ANK2: variants seen among roughly 807,000 people sequenced by gnomAD.
ANK2 encodes the protein ankyrin-2.
ANK2 carries 83 observed loss-of-function variants against 360.5 expected under a neutral mutation model. That is an observed-to-expected ratio of 0.23 (90% CI 0.19 to 0.28). The LOEUF (loss-of-function observed/expected upper bound fraction) is 0.28. Ranked by LOEUF, ANK2 falls within the 10% of genes least tolerant of loss-of-function variation. ANK2 has a pLI of 1.00. For missense variants in ANK2, 4,201 were observed against 4,795.7 expected (o/e 0.88, Z 3.66); for synonymous variants, 1,740 against 1,759.5 (o/e 0.99, Z 0.28).
chr4:113,015,079 C>T (rs1387309203), intron 2 of ANK2, among the ~76,000 whole-genome samples: 1 of 151,482 alleles, frequency 6.6e-6, no homozygotes, highest in Non-Finnish European at 1.5e-5. Flanking sequence ...AGGATGGCCT[C>T]GATCTCCTGA....
At chr4:113,017,968 A>T (rs1277384844) in intron 2 of ANK2, among the ~76,000 whole-genome samples, 3 of 152,176 alleles carry the variant, frequency 2.0e-5, no homozygotes, top group Non-Finnish European at 4.4e-5. Flanking sequence ...CTGCTGAAGA[A>T]CTCCTTTTGT....
chr4:113,058,047 G>T (rs992039491), intron 1 of ANK2, among the ~76,000 whole-genome samples: 2 of 151,916 alleles, frequency 1.3e-5, no homozygotes, highest in African/African-American at 4.8e-5. Flanking sequence ...CCATTTCCTG[G>T]TCTGGCCACA....
chr4:113,351,717 TA>T (rs36097202), intron 37 of ANK2, among the ~76,000 whole-genome samples: 11 of 147,810 alleles, frequency 7.4e-5, no homozygotes, highest in East Asian at 3.9e-4. Flanking sequence ...GCTCAGTTGT[TA>T]AAAAAAAAAG....
chr4:112,715,672 G>A, the ANK2 span, among the ~76,000 whole-genome samples: 6 of 152,150 alleles, frequency 3.9e-5, no homozygotes, highest in African/African-American at 7.2e-5. Context: ...CCTTGTACTC[G>A]GGCTCTGTGC....
upstream of ANK2, among the ~76,000 whole-genome samples, chr4:112,817,683 A>G (rs778096916): frequency 6.6e-6 from 1 of 151,886 alleles, no homozygotes; most frequent in Non-Finnish European, 1.5e-5. Context: ...ACTCTTATAT[A>G]AAAGATGATC....
chr4:113,358,769 C>T lies in ANK2; in HGVS notation c.10151C>T (p.Pro3384Leu). ...PQGQDMASIAPDNRSKSESDA... is the reference protein window; with the variant it reads ...PQGQDMASIALDNRSKSESDA... The stretch of plus-strand genomic sequence containing the variant: ...GGACAGGACATGGCAAGCATCGCAC[C>T]AGATAATAGAAGCAAATCTGAATCT... Residue 3384 changes from proline to leucine, a missense_variant, in exon 38 of 46, where the codon CCA becomes CTA. Transcript: ENST00000357077. The T allele has an allele frequency of 6.2e-7, 1 of 1,614,082 alleles. No individual in the cohort carries two copies. The highest frequency in any genetic ancestry group is 1.1e-5 in the South Asian group (1 of 91,068).
At chr4:113,000,901 T>C (rs547242164) in intron 2 of ANK2, among the ~76,000 whole-genome samples, 1 of 59,540 alleles carries the variant, frequency 1.7e-5, no homozygotes, top group East Asian at 7.6e-4. Flanking sequence ...AATGACTACT[T>C]CTTTATTTTC....
chr4:113,069,780 T>C (rs147749361), intron 1 of ANK2: 3 of 152,300 alleles, frequency 2.0e-5, no homozygotes, highest in African/African-American at 7.2e-5. Context: ...TAACACAGTT[T>C]CTATTCAGTC....
At position 113,240,364 on chromosome 4, in the gene ANK2, A is replaced by T; in HGVS notation, c.694-121A>T. The T allele has an allele frequency of 9.4e-6, 7 of 743,450 alleles. No individual in the cohort carries two copies. In the South Asian group the frequency reaches 1.0e-4, roughly 11 times the overall value. 46.1% of individuals were successfully genotyped at this position (743,450 alleles called of 1,614,324 possible). ...ACATTAAGATTTAAGATCTTACTAA[A>T]GCATTTATTATTGCTTATATATTAG... On this transcript the variant is annotated intron_variant, in intron 7 of 45. Transcript: ENST00000357077.
chr4:112,709,540 G>A, the ANK2 span, among the ~76,000 whole-genome samples: 3 of 152,054 alleles, frequency 2.0e-5, no homozygotes, highest in East Asian at 1.9e-4. Context: ...CCTGAGATCC[G>A]GAGTTCGAGA....
At chr4:113,129,764 T>C (rs1328437816) in intron 1 of ANK2, among the ~76,000 whole-genome samples, 1 of 152,212 alleles carries the variant, frequency 6.6e-6, no homozygotes, top group African/African-American at 2.4e-5. Flanking sequence ...TTGGCATTGA[T>C]GTAATGCATT....
intron 13 of ANK2, among the ~76,000 whole-genome samples, chr4:113,260,722 A>G (rs189705565): frequency 1.3e-5 from 2 of 152,352 alleles, no homozygotes; most frequent in Admixed American, 1.3e-4. Flanking sequence ...TAATTGCTAA[A>G]TCTGGCAATC....
At chr4:112,871,037 A>G (rs1018420869) in intron 1 of ANK2, among the ~76,000 whole-genome samples, 2 of 152,118 alleles carry the variant, frequency 1.3e-5, no homozygotes, top group Non-Finnish European at 2.9e-5. Flanking sequence ...ATAATCAAAT[A>G]AAAATATTTG....
intron 2 of ANK2, among the ~76,000 whole-genome samples, chr4:113,191,519 C>T (rs376428159): frequency 5.3e-5 from 8 of 152,112 alleles, no homozygotes; most frequent in South Asian, 2.1e-4. Context: ...CTTTTGCATA[C>T]GTTAATACTT....
chr4:113,162,613 GT>G (rs1485747391), intron 1 of ANK2, among the ~76,000 whole-genome samples: 2 of 151,894 alleles, frequency 1.3e-5, no homozygotes, highest in African/African-American at 4.8e-5. Flanking sequence ...AATGTAAATA[GT>G]AAAACAAGTT....
the ANK2 span, among the ~76,000 whole-genome samples, chr4:112,744,173 C>G: frequency 6.6e-6 from 1 of 152,038 alleles, no homozygotes; most frequent in African/African-American, 2.4e-5. Context: ...TTGCACCAAC[C>G]TAATAGAGGT....
intron 16 of ANK2, 85 bp from the exon 17 acceptor site, chr4:113,278,375 C>T: frequency 9.3e-7 from 1 of 1,075,004 alleles, no homozygotes; most frequent in Non-Finnish European, 1.4e-6. Context: ...TGAATTTAAT[C>T]AATATCAGTT....
At chr4:113,160,025 G>T (rs2097461390) in intron 1 of ANK2, among the ~76,000 whole-genome samples, 1 of 152,010 alleles carries the variant, frequency 6.6e-6, no homozygotes, top group South Asian at 2.1e-4. Flanking sequence ...TGTCATAATT[G>T]TCATTTATCT....
intron 2 of ANK2, among the ~76,000 whole-genome samples, chr4:113,008,444 A>G (rs932885229): frequency 6.6e-6 from 1 of 152,166 alleles, no homozygotes; most frequent in Non-Finnish European, 1.5e-5. Context: ...TCCTATTTGG[A>G]AGAATATTTG....
Sources: gnomAD v4.1 joint callset for allele counts (sites outside exome capture counted in the v4.1 genomes callset) on GRCh38, gnomAD v4.1.1 for gene constraint, MANE v1.5 for transcripts, NCBI Gene and HGNC (gene_info 2026-07-23, HGNC 2026-07-21) for gene names.